The following DAB1 variants were observed in gnomAD, a reference collection of about 807,000 sequenced individuals.
DAB1 encodes disabled homolog 1.
A neutral mutation model predicts 64.6 loss-of-function variants in DAB1; 15 were observed. The observed-to-expected ratio is 0.23, with a 90% CI of 0.16 to 0.36. The LOEUF is 0.36. Ranked by LOEUF, DAB1 falls within the 10% of genes least tolerant of loss-of-function variation. DAB1 has a pLI of 1.00. For missense variants in DAB1, 596 were observed against 706.7 expected (o/e 0.84, Z 1.78); for synonymous variants, 235 against 251.9 (o/e 0.93, Z 0.64).
chr1:58,229,254 C>A (rs886166374), intron 4 of DAB1, among the ~76,000 whole-genome samples: 2 of 152,208 alleles, frequency 1.3e-5, no homozygotes, highest in African/African-American at 2.4e-5. Flanking sequence ...TAAGCCTGAG[C>A]CACCATGCTT....
intron 6 of DAB1, among the ~76,000 whole-genome samples, chr1:57,768,636 T>C (rs988040188): frequency 6.6e-6 from 1 of 151,112 alleles, no homozygotes; most frequent in Non-Finnish European, 1.5e-5. Context: ...TATAGTGAGT[T>C]AGCTTGTGAG....
At chr1:57,318,721 C>T (rs181429411) in intron 1 of DAB1, among the ~76,000 whole-genome samples, 52 of 124,800 alleles carry the variant, frequency 4.2e-4, no homozygotes, top group African/African-American at 1.3e-3. Context: ...TTTGTTTACC[C>T]GGTAATTTGC....
intron 1 of DAB1, among the ~76,000 whole-genome samples, chr1:57,393,422 G>C (rs2101008404): frequency 6.6e-6 from 1 of 152,304 alleles, no homozygotes; most frequent in African/African-American, 2.4e-5. Flanking sequence ...GCCGGGTGCA[G>C]TGACTCATGC....
At chr1:57,782,737 A>G (rs945529021) in intron 6 of DAB1, among the ~76,000 whole-genome samples, 1 of 152,216 alleles carries the variant, frequency 6.6e-6, no homozygotes, top group Non-Finnish European at 1.5e-5. Context: ...AGCTACAAAC[A>G]TTGAATGCCT....
intron 7 of DAB1, among the ~76,000 whole-genome samples, chr1:57,635,358 C>G (rs1051922550): frequency 6.6e-6 from 1 of 152,130 alleles, no homozygotes; most frequent in African/African-American, 2.4e-5. Context: ...GGCAAGCAAG[C>G]GAAGCTTCAT....
chr1:57,149,304 T>C (rs897253625), intron 2 of DAB1, among the ~76,000 whole-genome samples: 7 of 152,224 alleles, frequency 4.6e-5, no homozygotes, highest in African/African-American at 1.7e-4. Context: ...TACAAGTTTT[T>C]GTGTGGCTGT....
intron 11 of DAB1, among the ~76,000 whole-genome samples, chr1:57,018,225 A>T (rs1439350625): frequency 6.6e-6 from 1 of 152,228 alleles, no homozygotes; most frequent in Non-Finnish European, 1.5e-5. Flanking sequence ...AAAGGTGTTC[A>T]CTATTTTGGA....
chr1:57,291,700 A>G (rs1672788341), intron 1 of DAB1, among the ~76,000 whole-genome samples: 1 of 152,208 alleles, frequency 6.6e-6, no homozygotes, highest in African/African-American at 2.4e-5. Flanking sequence ...CCAGCAAGCC[A>G]ATTTTTATGT....
chr1:57,716,360 A>T (rs1647084217), intron 6 of DAB1, among the ~76,000 whole-genome samples: 1 of 152,246 alleles, frequency 6.6e-6, no homozygotes. Context: ...CTATAGTGCC[A>T]AAATAGCAAG....
rs567830944 is a variant in DAB1, at chr1:58,323,797, C to T, written n.309+19555G>A. Reference sequence around the variant, plus strand: ...AAAATTAGCCAGGCGTGGCGGTGGGCGCCTGTAGTCCCAGCTACTCAGGAG... The same window carrying T: ...AAAATTAGCCAGGCGTGGCGGTGGGTGCCTGTAGTCCCAGCTACTCAGGAG... On this transcript the variant is annotated intron_variant and non_coding_transcript_variant, in intron 4 of 20. Transcript: ENST00000485760. Among the ~76,000 whole-genome samples the T allele has an allele frequency of 6.6e-5, 10 of 151,736 alleles. No homozygotes were observed. The South Asian group carries it at 1.7e-3, about 25-fold the overall frequency.
At chr1:58,495,267 T>C (rs1645778772) in intron 3 of DAB1, among the ~76,000 whole-genome samples, 1 of 151,948 alleles carries the variant, frequency 6.6e-6, no homozygotes, top group Non-Finnish European at 1.5e-5. Context: ...AGGGGTCTGT[T>C]GTGGGGTGGG....
At chr1:58,541,614 C>CAAAAAAAAAAAAAAAACAAAAA (rs1646617474) in intron 1 of DAB1, 1 of 65,622 alleles carries the variant, frequency 1.5e-5, no homozygotes, top group Non-Finnish European at 2.7e-5. Flanking sequence ...GAGAACCTGT[C>CAAAAAAAAAAAAAAAACAAAAA]AAAAAAAAAA....
At chr1:58,033,276 T>C (rs1646996677) in intron 5 of DAB1, among the ~76,000 whole-genome samples, 1 of 152,196 alleles carries the variant, frequency 6.6e-6, no homozygotes, top group African/African-American at 2.4e-5. Context: ...AAGATCCTTC[T>C]GTCTCAAGAA....
intron 1 of DAB1, among the ~76,000 whole-genome samples, chr1:57,299,393 T>C (rs1024229836): frequency 1.3e-4 from 20 of 152,246 alleles, no homozygotes; most frequent in East Asian, 1.9e-4. Context: ...CATCAGTCAA[T>C]CTTCGGCAAG....
chr1:57,666,727 T>C (rs1057098646), intron 6 of DAB1, among the ~76,000 whole-genome samples: 2 of 152,170 alleles, frequency 1.3e-5, no homozygotes, highest in African/African-American at 4.8e-5. Context: ...TGTGACTCTA[T>C]TCTCAACTAC....
chr1:58,391,587 A>G (rs1644476477), intron 3 of DAB1, among the ~76,000 whole-genome samples: 1 of 151,998 alleles, frequency 6.6e-6, no homozygotes, highest in Admixed American at 6.6e-5. Context: ...GATACTCTCA[A>G]CTCTTTCTTC....
At chr1:57,397,554 A>G (rs1351986643) in intron 1 of DAB1, among the ~76,000 whole-genome samples, 27 of 152,202 alleles carry the variant, frequency 1.8e-4, no homozygotes, top group Admixed American at 1.8e-3. Flanking sequence ...GAAAGGAGCT[A>G]AGTCAGAAAA....
chr1:57,332,582 ACAAT>A (rs1676761688), intron 1 of DAB1, among the ~76,000 whole-genome samples: 1 of 152,182 alleles, frequency 6.6e-6, no homozygotes, highest in Non-Finnish European at 1.5e-5. Flanking sequence ...CCTTTCTTCT[ACAAT>A]CAGTCTTCCA....
At chr1:57,399,931 TG>T (rs753791610) in intron 1 of DAB1, among the ~76,000 whole-genome samples, 40 of 152,232 alleles carry the variant, frequency 2.6e-4, no homozygotes, top group Non-Finnish European at 2.2e-4. Flanking sequence ...TTGCTCTATA[TG>T]GGTACAGCTG....
Sources: gnomAD v4.1 joint callset for allele counts (sites outside exome capture counted in the v4.1 genomes callset) on GRCh38, gnomAD v4.1.1 for gene constraint, MANE v1.5 for transcripts, NCBI Gene and HGNC (gene_info 2026-07-23, HGNC 2026-07-21) for gene names.